Variants in CNTNAP3 observed in about 807,000 individuals in gnomAD.
The protein encoded by CNTNAP3 is contactin-associated protein-like 3.
In CNTNAP3, 36 loss-of-function variants were observed where a neutral mutation model predicts 92.1. The ratio of observed to expected loss-of-function variants is 0.39; its 90% CI spans 0.30 to 0.52. CNTNAP3 has a LOEUF of 0.52. CNTNAP3 is among the 20% of genes least tolerant of loss of function. CNTNAP3 has a pLI of 0.76. For synonymous variants in CNTNAP3, 232 were observed against 422.3 expected (o/e 0.55, Z 5.53); for missense variants, 534 against 1,069.6 (o/e 0.50, Z 6.98).
chr9:39,147,916 T>C (rs1239542659), intron 10 of CNTNAP3, among the ~76,000 whole-genome samples: 1 of 152,132 alleles, frequency 6.6e-6, no homozygotes, highest in Admixed American at 6.6e-5. Context: ...ATTTTGTGAG[T>C]AATTAACAAG....
Position 39,066,047 on chromosome 9 carries a change from T to G in CNTNAP3, c.*7843A>C, listed in dbSNP as rs1294753784. Among the ~76,000 whole-genome samples, 3 of 152,368 alleles carry G rather than the reference T, an allele frequency of 2.0e-5. No homozygotes were observed. The highest frequency in any genetic ancestry group is 6.5e-5 in the Admixed American group (1 of 15,310). On this transcript the variant is annotated 3_prime_UTR_variant, in exon 24 of 24. Transcript: ENST00000297668. ...TGTTCTTTGTCCTCTTTCTCATCTT[T>G]TTTGTCTACTTTCAAGCATTTAAAA...
intron 18 of CNTNAP3, among the ~76,000 whole-genome samples, chr9:39,091,176 T>C (rs1212670352): frequency 6.6e-6 from 1 of 150,950 alleles, no homozygotes; most frequent in African/African-American, 2.4e-5. Context: ...TTCTTCTTTT[T>C]TTTTTTTTTT....
intron 14 of CNTNAP3, among the ~76,000 whole-genome samples, chr9:39,115,651 T>C (rs1285043359): frequency 6.6e-6 from 1 of 151,954 alleles, no homozygotes; most frequent in African/African-American, 2.4e-5. Flanking sequence ...CTTCTGAATG[T>C]AGGAGGGGAG....
intron 23 of CNTNAP3, among the ~76,000 whole-genome samples, chr9:39,075,504 T>A (rs1271416715): frequency 3.3e-5 from 5 of 152,214 alleles, no homozygotes; most frequent in African/African-American, 1.2e-4. Context: ...TTGACAAATA[T>A]TTTGAAGTAA....
At chr9:39,117,900 G>A (rs1035117783) in intron 14 of CNTNAP3, 45 of 1,203,186 alleles carry the variant, frequency 3.7e-5, no homozygotes, top group Middle Eastern at 5.9e-4. Flanking sequence ...ACATTATATA[G>A]TATTCACAAC....
Position 39,078,775 on chromosome 9 carries a change from G to C in CNTNAP3, c.3588C>G (p.His1196Gln), listed in dbSNP as rs1030733758. ...CTGCGCAGCGGGCCATAGGGGCCAC[G>C]TGGCCGCGGACGGTGACCCGGGAGG... is the stretch of plus-strand genomic sequence containing the variant. ...SGPSRVTVRG[H>Q]VAPMARCAAG... The change falls in exon 22 of 24, where the codon CAC (histidine) becomes CAG (glutamine). Residue 1196 changes from histidine (H) to glutamine (Q), a missense_variant. Coordinates refer to ENST00000297668, the MANE Select transcript of CNTNAP3 (RefSeq NM_033655.5). 759 of 1,520,484 alleles carry C rather than the reference G, an allele frequency of 5.0e-4. No homozygotes were observed. The highest frequency in any genetic ancestry group is 6.4e-4 in the Non-Finnish European group (727 of 1,141,070). The allele number at this position is 1,520,484 out of a possible 1,614,324, so 94.2% of individuals were successfully genotyped here.
chr9:39,159,333 T>C (rs1275803472), intron 9 of CNTNAP3: 1 of 143,176 alleles, frequency 7.0e-6, no homozygotes, highest in Non-Finnish European at 1.5e-5. Flanking sequence ...GTTGAAACTA[T>C]TCTCTTTGGT....
chr9:39,095,966 T>C (rs10118445), intron 18 of CNTNAP3, among the ~76,000 whole-genome samples: 36,095 of 151,502 alleles, frequency 0.24, 4,591 homozygotes, highest in East Asian at 0.38. Context: ...ACTTTGTCTA[T>C]AAACTCTCTT....
At chr9:39,074,742 T>A (rs62568848) in intron 23 of CNTNAP3, among the ~76,000 whole-genome samples, 42,140 of 151,708 alleles carry the variant, frequency 0.28, 7,510 homozygotes, top group Middle Eastern at 0.44. Context: ...TTTAATGAAA[T>A]TGTTTTCAAA....
At chr9:39,134,578 C>T (rs924966513) in intron 12 of CNTNAP3, among the ~76,000 whole-genome samples, 1 of 152,122 alleles carries the variant, frequency 6.6e-6, no homozygotes, top group African/African-American at 2.4e-5. Context: ...GCACACACCA[C>T]CACACCTGGC....
At position 39,065,621 on chromosome 9, in the gene CNTNAP3, C is replaced by T. The variant is rs1825493758; in HGVS notation, c.*8269G>A. ...ATGAGAATTATAATTGCTCCATATT[C>T]TCAACAACACGTGGTACTGACAATA... On this transcript the variant is annotated 3_prime_UTR_variant, in exon 24 of 24. Transcript: ENST00000297668. Among the ~76,000 whole-genome samples the T allele has an allele frequency of 6.6e-6, 1 of 152,150 alleles. No individual in the cohort carries two copies.
At chr9:39,138,204 G>A (rs993291243) in intron 12 of CNTNAP3, among the ~76,000 whole-genome samples, 1 of 152,082 alleles carries the variant, frequency 6.6e-6, no homozygotes, top group Non-Finnish European at 1.5e-5. Flanking sequence ...AACCAGATGT[G>A]ATGTACCAGG....
chr9:39,102,269 G>C (rs573803200), intron 17 of CNTNAP3, among the ~76,000 whole-genome samples: 197 of 152,302 alleles, frequency 1.3e-3, no homozygotes, highest in African/African-American at 4.6e-3. Context: ...GACACAGTGA[G>C]ACTCTGTCTG....
At chr9:39,120,881 C>T (rs1183346658) in intron 13 of CNTNAP3, among the ~76,000 whole-genome samples, 2 of 151,942 alleles carry the variant, frequency 1.3e-5, no homozygotes, top group African/African-American at 4.8e-5. Flanking sequence ...TTTGAAATGA[C>T]ATATGATAAT....
At position 39,071,655 on chromosome 9, in the gene CNTNAP3, A is replaced by G. The variant is rs1322311042; in HGVS notation, c.*2235T>C. Reference sequence around the variant, plus strand: ...TAGTGACTTAATTCTCTGCAACAGTAAAAAGTACTCAATTTAGATTTTAGT... The same window carrying G: ...TAGTGACTTAATTCTCTGCAACAGTGAAAAGTACTCAATTTAGATTTTAGT... On this transcript the variant is annotated 3_prime_UTR_variant, in exon 24 of 24. Coordinates refer to ENST00000297668, the MANE Select transcript of CNTNAP3 (RefSeq NM_033655.5). 6.6e-6 allele frequency among the ~76,000 whole-genome samples: 1 copy of G among 151,910 alleles called. No homozygotes were observed. Among genetic ancestry groups the G allele is most frequent in the East Asian group, 1.9e-4 (1 of 5,198 alleles).
rs760661279 is a variant in CNTNAP3 at position 39,109,159 on chromosome 9, C to A, written c.2365+1G>T. On this transcript the variant is annotated splice_donor_variant, in intron 15 of 23. Coordinates refer to ENST00000297668, the MANE Select transcript of CNTNAP3 (RefSeq NM_033655.5). LOFTEE classifies it high-confidence loss of function. ...TAAAGCTTTTTCTTGACACTACTTA[C>A]GATCTCCGCGGCAGAGCAGTGGCCC... The A allele has an allele frequency of 3.7e-6, 6 of 1,609,496 alleles. No individual in the cohort carries two copies. The highest frequency in any genetic ancestry group is 4.2e-6 in the Non-Finnish European group (5 of 1,178,890).
At chr9:39,132,788 G>A (rs1007127049) in intron 13 of CNTNAP3, 144 bp downstream of exon 13, 8 of 986,950 alleles carry the variant, frequency 8.1e-6, no homozygotes, top group South Asian at 1.8e-5. Flanking sequence ...AACCAAGAGC[G>A]GGAAGAGAAG....
chr9:39,084,192 A>G (rs1461144300), intron 21 of CNTNAP3, among the ~76,000 whole-genome samples: 1 of 138,080 alleles, frequency 7.2e-6, no homozygotes, highest in African/African-American at 2.6e-5. Context: ...GATGCTCACC[A>G]AGTTTTTTTT....
chr9:39,080,680 T>G (rs1825912483), intron 21 of CNTNAP3, among the ~76,000 whole-genome samples: 1 of 129,386 alleles, frequency 7.7e-6, no homozygotes, highest in Non-Finnish European at 1.7e-5. Context: ...TTTTTTTTTT[T>G]GAGATGGAGT....
Sources: gnomAD v4.1 joint callset for allele counts (sites outside exome capture counted in the v4.1 genomes callset) on GRCh38, gnomAD v4.1.1 for gene constraint, MANE v1.5 for transcripts, NCBI Gene and HGNC (gene_info 2026-07-23, HGNC 2026-07-21) for gene names.